The following ZFAND3 variants were observed in gnomAD, a reference collection of about 807,000 sequenced individuals.
The protein encoded by ZFAND3 is AN1-type zinc finger protein 3.
In ZFAND3, 10 loss-of-function variants were observed where a neutral mutation model predicts 29.6. The ratio of observed to expected loss-of-function variants is 0.34; its 90% CI spans 0.21 to 0.57. The LOEUF is 0.57. Ranked by LOEUF, ZFAND3 falls within the 20% of genes least tolerant of loss-of-function variation. ZFAND3 has a pLI of 0.86. For synonymous variants in ZFAND3, 128 were observed against 112.6 expected, an observed-to-expected ratio of 1.14 and a Z score of -0.87; for missense variants, 230 against 304.5, an observed-to-expected ratio of 0.76 and a Z score of 1.82.
intron 5 of ZFAND3, among the ~76,000 whole-genome samples, chr6:38,136,177 T>C (rs1765839334): frequency 6.6e-6 from 1 of 152,176 alleles, no homozygotes; most frequent in Non-Finnish European, 1.5e-5. Flanking sequence ...ATGTGAAGGA[T>C]GTTCCCTTTC....
chr6:37,925,745 A>C (rs376174948), intron 1 of ZFAND3, among the ~76,000 whole-genome samples: 7 of 152,120 alleles, frequency 4.6e-5, no homozygotes, highest in Admixed American at 4.6e-4. Flanking sequence ...GATGTGAGCA[A>C]CTGGGAAGAA....
At chr6:37,950,361 TAA>T (rs1491219648) in intron 2 of ZFAND3, among the ~76,000 whole-genome samples, 147,206 of 150,822 alleles carry the variant, frequency 0.98, 71,960 homozygotes, top group South Asian at 1. Flanking sequence ...CTTTTTCCAT[TAA>T]TGTTTTTGTT....
intron 1 of ZFAND3, among the ~76,000 whole-genome samples, chr6:37,862,538 A>C (rs1044412204): frequency 1.3e-5 from 2 of 151,392 alleles, no homozygotes; most frequent in African/African-American, 4.8e-5. Context: ...AAAAAGAAAA[A>C]GCAGGCATGG....
At position 38,061,094 on chromosome 6, in the gene ZFAND3, A is replaced by G. The variant is rs114942470; in HGVS notation, c.113-499A>G. ...GTATGTCCCTTGTAAATTGAATACA[A>G]CTGGACTTCATTTAGTCCAAATATT... On this transcript the variant is annotated intron_variant, in intron 2 of 5. Transcript: ENST00000287218. Among the ~76,000 whole-genome samples the G allele has an allele frequency of 3.4e-3, 517 of 152,298 alleles. 3 individuals are homozygous for G. The highest frequency in any genetic ancestry group is 0.011 in the African/African-American group (463 of 41,560).
intron 3 of ZFAND3, among the ~76,000 whole-genome samples, chr6:38,070,245 A>T (rs1764425178): frequency 6.6e-6 from 1 of 152,066 alleles, no homozygotes; most frequent in African/African-American, 2.4e-5. Flanking sequence ...CAACATGGTG[A>T]AACCCCCACC....
chr6:37,898,841 T>G (rs1765265527), intron 1 of ZFAND3, among the ~76,000 whole-genome samples: 1 of 152,230 alleles, frequency 6.6e-6, no homozygotes, highest in Admixed American at 6.5e-5. Context: ...TACAGATTTC[T>G]TTCCATGATA....
intron 1 of ZFAND3, among the ~76,000 whole-genome samples, chr6:37,914,922 C>T (rs1334625327): frequency 2.0e-5 from 3 of 152,204 alleles, no homozygotes; most frequent in Admixed American, 6.5e-5. Context: ...TTCTTTGAAA[C>T]GTTGAAGCCC....
chr6:38,106,976 TTTTC>T (rs1265776184), intron 4 of ZFAND3, among the ~76,000 whole-genome samples: 3 of 152,334 alleles, frequency 2.0e-5, no homozygotes, highest in Admixed American at 1.3e-4. Context: ...ATTCCTGGGC[TTTTC>T]TTTATGTTTT....
At chr6:38,139,421 C>A (rs998004312) in intron 5 of ZFAND3, among the ~76,000 whole-genome samples, 1 of 152,030 alleles carries the variant, frequency 6.6e-6, no homozygotes, top group African/African-American at 2.4e-5. Flanking sequence ...AAAATTGTGA[C>A]TAGTGATTGA....
intron 1 of ZFAND3, among the ~76,000 whole-genome samples, chr6:37,891,186 T>A (rs1384607509): frequency 6.6e-6 from 1 of 152,222 alleles, no homozygotes; most frequent in Non-Finnish European, 1.5e-5. Flanking sequence ...GTGACTGGCT[T>A]CTTTAACTTA....
At chr6:38,117,255 C>T (rs1765437000) in intron 5 of ZFAND3, among the ~76,000 whole-genome samples, 1 of 123,332 alleles carries the variant, frequency 8.1e-6, no homozygotes, top group African/African-American at 3.0e-5. Context: ...CTTGAAATAG[C>T]CTTTTTTTTT....
At chr6:38,076,154 T>A (rs550302504) in intron 3 of ZFAND3, among the ~76,000 whole-genome samples, 1 of 152,298 alleles carries the variant, frequency 6.6e-6, no homozygotes, top group East Asian at 1.9e-4. Flanking sequence ...GATCCTTCAC[T>A]AGCAAGAAGA....
chr6:38,154,248 C>G lies in ZFAND3; in HGVS notation c.*1859C>G. 2.0e-6 allele frequency: 2 copies of G among 985,560 alleles called. No homozygotes were observed. Among genetic ancestry groups the G allele is most frequent in the Middle Eastern group, 5.2e-4 (1 of 1,914 alleles). 61.1% of individuals were successfully genotyped at this position (985,560 alleles called of 1,614,324 possible). On this transcript the variant is annotated 3_prime_UTR_variant, in exon 6 of 6. Coordinates refer to ENST00000287218, the MANE Select transcript of ZFAND3 (RefSeq NM_021943.3). The stretch of plus-strand genomic sequence containing the variant: ...TGGTCCCGAAGAGGCTGTGCGAGCC[C>G]TTCCCGGCCCTCCCCAGGGCCCCCC...
At chr6:37,940,468 C>T (rs1383034761) in intron 2 of ZFAND3, among the ~76,000 whole-genome samples, 1 of 152,142 alleles carries the variant, frequency 6.6e-6, no homozygotes, top group Non-Finnish European at 1.5e-5. Context: ...AAATTTTATA[C>T]CCTTTAAAAG....
At chr6:38,146,577 C>T (rs9470799) in intron 5 of ZFAND3, among the ~76,000 whole-genome samples, 4,973 of 152,252 alleles carry the variant, frequency 0.033, 223 homozygotes, top group African/African-American at 0.096. Context: ...TCTGCAGCTT[C>T]CTCCTGGACC....
intron 1 of ZFAND3, among the ~76,000 whole-genome samples, chr6:37,889,889 T>C (rs907579379): frequency 7.2e-5 from 11 of 152,256 alleles, no homozygotes; most frequent in African/African-American, 2.7e-4. Flanking sequence ...TAAGCAGCGA[T>C]TTATTTCTGA....
At position 37,835,067 on chromosome 6, in the gene ZFAND3, A is replaced by G. The variant is rs539050654; in HGVS notation, c.71+15051A>G. ...AATAGAGCATCTTTTTTCATTGGCC[A>G]TTTGGCTAAACTTTGTTGTGAGGTG... On this transcript the variant is annotated intron_variant, in intron 1 of 5. Transcript: ENST00000287218. Among the ~76,000 whole-genome samples, 113 of 152,234 alleles carry G rather than the reference A, an allele frequency of 7.4e-4. 1 individual carries two copies. The highest frequency in any genetic ancestry group is 2.8e-3 in the Admixed American group (43 of 15,288).
intron 4 of ZFAND3, among the ~76,000 whole-genome samples, chr6:38,108,709 C>T (rs1765256383): frequency 6.6e-6 from 1 of 152,214 alleles, no homozygotes; most frequent in Non-Finnish European, 1.5e-5. Flanking sequence ...GAGGGTGGAT[C>T]TTCCTCTCCC....
chr6:38,008,699 CT>C (rs1426159928), intron 2 of ZFAND3, among the ~76,000 whole-genome samples: 1 of 151,886 alleles, frequency 6.6e-6, no homozygotes, highest in African/African-American at 2.4e-5. Context: ...TTGCTTTTTT[CT>C]TTCTGCTTTT....
Sources: gnomAD v4.1 joint callset for allele counts (sites outside exome capture counted in the v4.1 genomes callset) on GRCh38, gnomAD v4.1.1 for gene constraint, MANE v1.5 for transcripts, NCBI Gene and HGNC (gene_info 2026-07-23, HGNC 2026-07-21) for gene names.